The following GRIN2A variants were observed in gnomAD, a reference collection of about 807,000 sequenced individuals.
GRIN2A encodes the protein glutamate receptor ionotropic, NMDA 2A.
GRIN2A carries 22 observed loss-of-function variants against 113.4 expected under a neutral mutation model. The observed-to-expected ratio is 0.19, with a 90% CI of 0.14 to 0.28. The LOEUF is 0.28. GRIN2A is among the 10% of genes least tolerant of loss of function. The pLI is 1.00. For missense variants in GRIN2A, 1,502 were observed against 1,887.0 expected (o/e 0.80, Z 3.78); for synonymous variants, 827 against 738.4 (o/e 1.12, Z -1.94).
At chr16:10,086,330 A>G (rs999715824) in intron 2 of GRIN2A, among the ~76,000 whole-genome samples, 15 of 152,122 alleles carry the variant, frequency 9.9e-5, no homozygotes, top group Non-Finnish European at 2.2e-4. Flanking sequence ...AGATGTGGAT[A>G]ATGAGTATGG....
intron 2 of GRIN2A, among the ~76,000 whole-genome samples, chr16:10,147,212 G>A (rs149600960): frequency 5.5e-4 from 84 of 152,102 alleles, no homozygotes; most frequent in East Asian, 1.9e-4. Context: ...GGAGCTTAAC[G>A]AGCAGCAATT....
chr16:10,020,639 G>A lies in GRIN2A; in HGVS notation c.415-82088C>T, dbSNP rs569346323. Reference sequence around the variant, plus strand: ...AGTCATACTAGCTATACGATACAAGGTTAATTGTTCTGATTCTCAGCTGCA... The same window carrying A: ...AGTCATACTAGCTATACGATACAAGATTAATTGTTCTGATTCTCAGCTGCA... On this transcript the variant is annotated intron_variant, in intron 2 of 12. Coordinates refer to ENST00000330684, the MANE Select transcript of GRIN2A (RefSeq NM_001134407.3). Among the ~76,000 whole-genome samples the A allele has an allele frequency of 5.9e-5, 9 of 152,212 alleles. No homozygotes were observed. In the East Asian group the frequency reaches 9.7e-4, roughly 16 times the overall value.
At chr16:10,028,395 G>T (rs1180037338) in intron 2 of GRIN2A, among the ~76,000 whole-genome samples, 2 of 152,192 alleles carry the variant, frequency 1.3e-5, no homozygotes, top group Admixed American at 1.3e-4. Context: ...TCGCTGGGAG[G>T]CAGCTGCCCA....
chr16:10,025,220 A>G (rs186474437), intron 2 of GRIN2A, among the ~76,000 whole-genome samples: 2 of 151,130 alleles, frequency 1.3e-5, no homozygotes, highest in African/African-American at 2.4e-5. Flanking sequence ...TCATGCTTAT[A>G]GGAAACTCGT....
intron 10 of GRIN2A, among the ~76,000 whole-genome samples, chr16:9,821,971 A>G (rs1221341094): frequency 3.9e-5 from 6 of 152,184 alleles, no homozygotes; most frequent in Admixed American, 3.9e-4. Flanking sequence ...GGATCTTTCT[A>G]TTTGTTAAAA....
chr16:9,961,917 T>G (rs2045450707), intron 2 of GRIN2A, among the ~76,000 whole-genome samples: 1 of 152,162 alleles, frequency 6.6e-6, no homozygotes, highest in African/African-American at 2.4e-5. Flanking sequence ...ATGGTACTGG[T>G]ACCAAAACAG....
intron 5 of GRIN2A, among the ~76,000 whole-genome samples, chr16:9,846,276 CA>C (rs1312713302): frequency 6.6e-6 from 1 of 152,154 alleles, no homozygotes; most frequent in Non-Finnish European, 1.5e-5. Context: ...CAGGGAGCCA[CA>C]GTGGGGACAC....
intron 10 of GRIN2A, among the ~76,000 whole-genome samples, chr16:9,806,842 G>GGT (rs2041978890): frequency 6.6e-6 from 1 of 152,020 alleles, no homozygotes; most frequent in African/African-American, 2.4e-5. Flanking sequence ...GATATGGTTT[G>GGT]TCTGTGTGCC....
At chr16:9,924,848 T>A (rs1414974176) in intron 3 of GRIN2A, among the ~76,000 whole-genome samples, 4 of 152,196 alleles carry the variant, frequency 2.6e-5, no homozygotes, top group Non-Finnish European at 5.9e-5. Context: ...AGATTTTATA[T>A]CTAGTAGTTT....
At chr16:10,044,042 G>GAGAC (rs1456356633) in intron 2 of GRIN2A, among the ~76,000 whole-genome samples, 42 of 145,298 alleles carry the variant, frequency 2.9e-4, no homozygotes, top group African/African-American at 3.4e-4. Flanking sequence ...GAGAGAGAGA[G>GAGAC]AGAGACAGAG....
intron 10 of GRIN2A, among the ~76,000 whole-genome samples, chr16:9,816,957 A>G (rs1172384386): frequency 1.3e-5 from 2 of 152,206 alleles, no homozygotes; most frequent in African/African-American, 2.4e-5. Context: ...ACAAGGCACA[A>G]CAGATCTGTG....
At position 9,763,371 on chromosome 16, in the gene GRIN2A, C is replaced by G. The variant is rs2141125893; in HGVS notation, c.4173G>C (p.Leu1391Phe). 1 of 1,614,176 alleles carries G rather than the reference C, an allele frequency of 6.2e-7. No homozygotes were observed. Among genetic ancestry groups the G allele is most frequent in the Non-Finnish European group, 8.5e-7 (1 of 1,180,028 alleles). Residue 1391 changes from leucine to phenylalanine, a missense_variant, in exon 13 of 13, where the codon TTG becomes TTC. Transcript: ENST00000330684. ...RCPSDPYKHS[L>F]PSQAVNDSYL... The stretch of plus-strand genomic sequence containing the variant: ...AGCTGTCATTCACCGCCTGGGATGG[C>G]AACGAGTGTTTGTAAGGGTCCGAGG...
chr16:10,176,058 G>T (rs539104490), intron 2 of GRIN2A, among the ~76,000 whole-genome samples: 2 of 144,578 alleles, frequency 1.4e-5, no homozygotes, highest in Admixed American at 1.4e-4. Context: ...AGGCTAGAGC[G>T]CAGTGGCATG....
chr16:10,087,374 G>C (rs974455837), intron 2 of GRIN2A, among the ~76,000 whole-genome samples: 3 of 152,218 alleles, frequency 2.0e-5, no homozygotes, highest in African/African-American at 7.2e-5. Context: ...ATGTAAGTGG[G>C]AGTGACAGTG....
intron 2 of GRIN2A, among the ~76,000 whole-genome samples, chr16:10,168,300 T>A: frequency 6.6e-6 from 1 of 152,230 alleles, no homozygotes; most frequent in East Asian, 1.9e-4. Flanking sequence ...GAACTTGAGG[T>A]GATGATGCAG....
chr16:10,118,551 A>G (rs985979313), intron 2 of GRIN2A, among the ~76,000 whole-genome samples: 2 of 152,160 alleles, frequency 1.3e-5, no homozygotes, highest in African/African-American at 2.4e-5. Context: ...TACATGCCCA[A>G]TCCTCTGGTA....
intron 9 of GRIN2A, among the ~76,000 whole-genome samples, chr16:9,827,788 A>C (rs74429824): frequency 6.6e-6 from 1 of 152,172 alleles, no homozygotes; most frequent in Non-Finnish European, 1.5e-5. Flanking sequence ...TATACCATGC[A>C]TGTATTCATT....
chr16:9,829,714 C>T, intron 8 of GRIN2A, 62 bp from the exon 9 acceptor site: 2 of 1,172,142 alleles, frequency 1.7e-6, no homozygotes, highest in East Asian at 4.7e-5. Flanking sequence ...TTGTGTATGA[C>T]AACCACGCAG....
At chr16:10,173,275 C>T (rs1427923017) in intron 2 of GRIN2A, among the ~76,000 whole-genome samples, 1 of 152,206 alleles carries the variant, frequency 6.6e-6, no homozygotes, top group Non-Finnish European at 1.5e-5. Flanking sequence ...CTGCCCTTTT[C>T]GAGAGCTCTC....
Sources: allele counts gnomAD v4.1 joint callset (sites outside exome capture counted in the v4.1 genomes callset), GRCh38; gene constraint gnomAD v4.1.1; transcripts MANE v1.5; gene names NCBI Gene and HGNC (gene_info 2026-07-23, HGNC 2026-07-21).